Variants in KDM6B observed in about 807,000 individuals in gnomAD.
KDM6B encodes the protein lysine-specific demethylase 6B.
A neutral mutation model predicts 150.4 loss-of-function variants in KDM6B; 22 were observed. The observed-to-expected ratio is 0.15, with a 90% CI of 0.10 to 0.21. The LOEUF is 0.21. KDM6B is among the 10% of genes least tolerant of loss of function. KDM6B has a pLI of 1.00. For synonymous variants in KDM6B, 1,148 were observed against 921.1 expected (o/e 1.25, Z -4.46); for missense variants, 1,984 against 2,234.3 (o/e 0.89, Z 2.26).
In KDM6B at chr17:7,846,063, C is replaced by CCCCGGGGG; in HGVS notation, c.237-14_237-13insCCGGGGGC. The CCCCGGGGG allele has an allele frequency of 6.3e-7, 1 of 1,577,178 alleles. No individual in the cohort carries two copies. The highest frequency in any genetic ancestry group is 8.6e-7 in the Non-Finnish European group (1 of 1,158,728). On this transcript the variant is annotated splice_polypyrimidine_tract_variant and intron_variant, in intron 6 of 23. Coordinates refer to ENST00000448097, the MANE Select transcript of KDM6B (RefSeq NM_001348716.2). ...CCCAACCCCCACCCACACCCCCACC[C>CCCCGGGGG]CTTCTGCTCTGTAGGGCGCCCACTC...
rs2151375882 is a variant in KDM6B, at chr17:7,846,415, T to C, written c.472T>C (p.Phe158Leu). Residue 158 changes from phenylalanine to leucine, a missense_variant, in exon 8 of 24, where the codon TTT (phenylalanine) becomes CTT (leucine). By Grantham distance (22) the Phe-to-Leu change is conservative. This residue lies in a region of KDM6B where 337 missense variants were observed against 323.9 expected (regional missense o/e 1.04). Coordinates refer to ENST00000448097, the MANE Select transcript of KDM6B (RefSeq NM_001348716.2). ...CCACCCCCAGGCCCAGCTCTGGAAC[T>C]TTCATACTGGCTCCTGCCAGCACCG... is the stretch of plus-strand genomic sequence containing the variant. ...GRLQQAQLWN[F>L]HTGSCQHRAK... is the part of the protein sequence containing the mutation. 7.4e-7 allele frequency: 1 copy of C among 1,342,644 alleles called. No individual in the cohort carries two copies. The highest frequency in any genetic ancestry group is 4.4e-5 in the East Asian group (1 of 22,842). The allele number at this position is 1,342,644 out of a possible 1,614,324, so 83.2% of individuals were successfully genotyped here.
chr17:7,836,117 G>A (rs1319471609), intron 1 of KDM6B, among the ~76,000 whole-genome samples: 1 of 152,210 alleles, frequency 6.6e-6, no homozygotes, highest in African/African-American at 2.4e-5. Context: ...GGCTTCTCCC[G>A]CCCGGGCCCA....
At position 7,853,702 on chromosome 17, in the gene KDM6B, A is replaced by C; in HGVS notation, c.*181A>C. ...AAAACTTTTTTTTTTTTTTTAGCAA[A>C]TATGAGGAAAAAAGGAAAAAAAATG... is the stretch of plus-strand genomic sequence containing the variant. On this transcript the variant is annotated 3_prime_UTR_variant, in exon 24 of 24. Transcript: ENST00000448097. 1.0e-5 allele frequency: 4 copies of C among 385,328 alleles called. No individual in the cohort carries two copies. Among genetic ancestry groups the C allele is most frequent in the Non-Finnish European group, 1.7e-5 (4 of 228,636 alleles). 23.9% of individuals were successfully genotyped at this position (385,328 alleles called of 1,614,324 possible).
At position 7,843,392 on chromosome 17, in the gene KDM6B, C is replaced by A. The variant is rs1029734390; in HGVS notation, c.-268-1509C>A. ...TGAGGAGAGAGTTCTGACAGTAATACCACGTGAACCGCGGAGAGGGTCCGC... is the reference window on the plus strand; with the variant it reads ...TGAGGAGAGAGTTCTGACAGTAATAACACGTGAACCGCGGAGAGGGTCCGC... On this transcript the variant is annotated intron_variant, in intron 2 of 23. Coordinates refer to ENST00000448097, the MANE Select transcript of KDM6B (RefSeq NM_001348716.2). The surrounding 1 kb of genome is among the most constrained non-coding windows in gnomAD (Gnocchi z 4.5). 6.6e-6 allele frequency among the ~76,000 whole-genome samples: 1 copy of A among 152,174 alleles called. No individual in the cohort carries two copies. Among genetic ancestry groups the A allele is most frequent in the African/African-American group, 2.4e-5 (1 of 41,420 alleles).
At position 7,834,222 on chromosome 17, in the gene KDM6B, T is replaced by C. The variant is rs1341719498; in HGVS notation, c.-516T>C. Among the ~76,000 whole-genome samples, 1 of 150,594 alleles carries C rather than the reference T, an allele frequency of 6.6e-6. No individual in the cohort carries two copies. Among genetic ancestry groups the C allele is most frequent in the African/African-American group, 2.4e-5 (1 of 40,948 alleles). On this transcript the variant is annotated 5_prime_UTR_variant, in exon 1 of 24. Coordinates refer to ENST00000448097, the MANE Select transcript of KDM6B (RefSeq NM_001348716.2). ...TGGGGAGCGGGGGTGCGGGTGTTTG[T>C]GTTGGAAAATCCAACTGCGCCACTG... is the stretch of plus-strand genomic sequence containing the variant.
At position 7,835,928 on chromosome 17, in the gene KDM6B, C is replaced by CT. The variant is rs535336878; in HGVS notation, c.-388+1579dup. Among the ~76,000 whole-genome samples the CT allele has an allele frequency of 5.3e-3, 813 of 152,342 alleles. 4 individuals are homozygous for CT. The highest frequency in any genetic ancestry group is 0.018 in the African/African-American group (751 of 41,586). ...GCCGGTCGCGACCATAATGCCCAGCCTGGCTCGGGAGGGCCGACTACCTGT... is the reference window on the plus strand; with the variant it reads ...GCCGGTCGCGACCATAATGCCCAGCCTTGGCTCGGGAGGGCCGACTACCTGT... On this transcript the variant is annotated intron_variant, in intron 1 of 23. Coordinates refer to ENST00000448097, the MANE Select transcript of KDM6B (RefSeq NM_001348716.2).
intron 1 of KDM6B, among the ~76,000 whole-genome samples, chr17:7,835,029 G>A (rs1331187186): frequency 6.6e-6 from 1 of 152,134 alleles, no homozygotes; most frequent in African/African-American, 2.4e-5. Context: ...GCGAGGGCGA[G>A]ACGCACCCAG....
chr17:7,848,216 G>A lies in KDM6B; in HGVS notation c.1928G>A (p.Gly643Glu). The change falls in exon 12 of 24, where the codon GGG (glycine) becomes GAG (glutamate). Residue 643 changes from glycine (G) to glutamate (E), a missense_variant. This residue lies in a region of KDM6B where 1,379 missense variants were observed against 1,275.6 expected (regional missense o/e 1.08). Transcript: ENST00000448097. ...SFPKTPEVGP[G>E]PPPGPLSKAP... is the part of the protein sequence containing the mutation. ...CCAAAGACCCCCGAGGTGGGGCCGGGGCCACCCCCAGGCCCCCTGAGTAAA... is the reference window on the plus strand; with the variant it reads ...CCAAAGACCCCCGAGGTGGGGCCGGAGCCACCCCCAGGCCCCCTGAGTAAA... The A allele has an allele frequency of 5.6e-6, 9 of 1,610,730 alleles. No individual in the cohort carries two copies. Among genetic ancestry groups the A allele is most frequent in the Non-Finnish European group, 7.6e-6 (9 of 1,178,412 alleles).
In KDM6B at chr17:7,846,224, G is replaced by A. The variant is rs1386876265; in HGVS notation, c.383G>A (p.Arg128His). The stretch of plus-strand genomic sequence containing the variant: ...GAGCACGATAGTGAGGAGGCCACAC[G>A]CTGCTACCACAGCGCCCTTCGATAC... ...ESEHDSEEAT[R>H]CYHSALRYGG... The change falls in exon 7 of 24, where the codon CGC (arginine) becomes CAC (histidine). Residue 128 changes from arginine (R) to histidine (H), a missense_variant. By Grantham distance (29) the Arg-to-His change is conservative. Around this residue, in one of 13 missense-constraint regions of KDM6B, gnomAD observed 337 missense variants for 323.9 expected, o/e 1.04. Transcript: ENST00000448097. 3.7e-6 allele frequency: 6 copies of A among 1,613,984 alleles called. No individual in the cohort carries two copies. The highest frequency in any genetic ancestry group is 2.7e-5 in the African/African-American group (2 of 74,928).
chr17:7,847,204 C>T lies in KDM6B; in HGVS notation c.1009C>T (p.Pro337Ser). 1.9e-6 allele frequency: 3 copies of T among 1,600,456 alleles called. No homozygotes were observed. Among genetic ancestry groups the T allele is most frequent in the South Asian group, 1.1e-5 (1 of 90,970 alleles). ...HRLVPAAPPGPGPRPPGAESH... is the reference protein window; with the variant it reads ...HRLVPAAPPGSGPRPPGAESH... ...GCTGGTCCCGGCTGCTCCCCCAGGC[C>T]CAGGCCCCCGCCCCCCAGGAGCAGA... The change falls in exon 11 of 24, where the codon CCA becomes TCA. Residue 337 changes from proline (P) to serine (S), a missense_variant. Coordinates refer to ENST00000448097, the MANE Select transcript of KDM6B (RefSeq NM_001348716.2).
In KDM6B at chr17:7,849,604, C is replaced by T. The variant is rs2078649586; in HGVS notation, c.3316C>T (p.Arg1106Trp). 8 of 1,612,202 alleles carry T rather than the reference C, an allele frequency of 5.0e-6. No individual in the cohort carries two copies. Among genetic ancestry groups the T allele is most frequent in the South Asian group, 1.1e-5 (1 of 91,088 alleles). Residue 1106 changes from arginine to tryptophan, a missense_variant, in exon 12 of 24, where the codon CGG becomes TGG. Arg to Trp is a moderately radical substitution (Grantham distance 101, BLOSUM62 -3). Transcript: ENST00000448097. ...GGGGCCCCCCAAGGAGCTGAAGATC[C>T]GGCTCATCAAGGTAGAGAGTGGTGA... ...SEGPPKELKI[R>W]LIKVESGDKE... is the part of the protein sequence containing the mutation.
rs1567799018 is a variant in KDM6B, at chr17:7,849,441, C to CCCTCCATCAGCTCCTGCA, written c.3157_3174dup (p.Pro1053_Pro1058dup). On this transcript the variant is annotated inframe_insertion, in exon 12 of 24. Coordinates refer to ENST00000448097, the MANE Select transcript of KDM6B (RefSeq NM_001348716.2). Reference sequence around the variant, plus strand: ...AGGCCAAGCCACCCACAGCTCCAGCCCCTCCATCAGCTCCTGCACCTTCTG... The same window carrying CCCTCCATCAGCTCCTGCA: ...AGGCCAAGCCACCCACAGCTCCAGCCCCTCCATCAGCTCCTGCACCTCCATCAGCTCCTGCACCTTCTG... 3.7e-6 allele frequency: 6 copies of CCCTCCATCAGCTCCTGCA among 1,612,554 alleles called. No homozygotes were observed. In the South Asian group the frequency reaches 5.5e-5, roughly 15 times the overall value.
Position 7,844,993 on chromosome 17 carries a change from G to GATCTA in KDM6B, c.-176_-175insATCTA. ...CCAGATCTCTGGAGCTTGCCGACGC[G>GATCTA]GTGTGAGGACGCTCCCACGGAGGCC... On this transcript the variant is annotated 5_prime_UTR_variant, in exon 3 of 24. Coordinates refer to ENST00000448097, the MANE Select transcript of KDM6B (RefSeq NM_001348716.2). This position sits in a 1 kb window ranked among gnomAD's most constrained non-coding sequence, Gnocchi z 5.9. The GATCTA allele has an allele frequency of 5.7e-6, 1 of 175,702 alleles. No homozygotes were observed. Among genetic ancestry groups the GATCTA allele is most frequent in the Non-Finnish European group, 1.2e-5 (1 of 80,026 alleles). 10.9% of individuals were successfully genotyped at this position (175,702 alleles called of 1,614,324 possible).
At position 7,845,160 on chromosome 17, in the gene KDM6B, G is replaced by C. The variant is rs567952856; in HGVS notation, c.-149+140G>C. The C allele has an allele frequency of 9.5e-4, 335 of 352,676 alleles. 2 individuals carry two copies. Among genetic ancestry groups the C allele is most frequent in the South Asian group, 7.8e-3 (333 of 42,626 alleles). The allele number at this position is 352,676 out of a possible 1,614,324, so 21.8% of individuals were successfully genotyped here. On this transcript the variant is annotated intron_variant, in intron 3 of 23. Transcript: ENST00000448097. ...TCCCAGCCACACTCCTGGGCCTCTAGGGAGTGGTTGGGCCGGGCCTCCCTT... is the reference window on the plus strand; with the variant it reads ...TCCCAGCCACACTCCTGGGCCTCTACGGAGTGGTTGGGCCGGGCCTCCCTT...
chr17:7,854,293 C>T lies in KDM6B; in HGVS notation c.*772C>T, dbSNP rs550241844. 7.1e-4 allele frequency: 108 copies of T among 152,804 alleles called. No individual in the cohort carries two copies. The highest frequency in any genetic ancestry group is 1.8e-3 in the African/African-American group (73 of 41,538). The allele number at this position is 152,804 out of a possible 1,614,324, so 9.5% of individuals were successfully genotyped here. On this transcript the variant is annotated 3_prime_UTR_variant, in exon 24 of 24. Transcript: ENST00000448097. The stretch of plus-strand genomic sequence containing the variant: ...TGCTCAAACCCGCTCCCCTCCCCTA[C>T]GTCCTGCACTTTCTCGGACCAGTCC...
Position 7,848,142 on chromosome 17 carries a change from C to T in KDM6B, c.1854C>T (p.Thr618=). ...PAPPSSCHQN[T]SGSFRRPESP... is the part of the protein sequence containing the mutation. ...CTCCTTCCTCCTGCCACCAAAATAC[C>T]TCAGGAAGCTTCAGGCGCCCGGAGA... The change falls in exon 12 of 24, where the codon ACC becomes ACT. Residue 618 remains threonine (T), a synonymous_variant. Transcript: ENST00000448097. The T allele has an allele frequency of 6.2e-7, 1 of 1,612,980 alleles. No individual in the cohort carries two copies. Among genetic ancestry groups the T allele is most frequent in the South Asian group, 1.1e-5 (1 of 91,082 alleles).
intron 21 of KDM6B, 133 bp downstream of exon 21, chr17:7,852,769 G>C: frequency 7.2e-7 from 1 of 1,384,872 alleles, no homozygotes; most frequent in Non-Finnish European, 1.0e-6. Context: ...CTGTGTTGGG[G>C]AGGCTAACTA....
At chr17:7,839,135 A>G (rs964155174) in intron 1 of KDM6B, among the ~76,000 whole-genome samples, 6 of 152,134 alleles carry the variant, frequency 3.9e-5, no homozygotes, top group African/African-American at 1.4e-4. Flanking sequence ...GTGAGGGCCA[A>G]CTTAGCTCTG....
chr17:7,848,307 T>C lies in KDM6B; in HGVS notation c.2019T>C (p.Phe673=), dbSNP rs767439096. 6.2e-7 allele frequency: 1 copy of C among 1,611,922 alleles called. No individual in the cohort carries two copies. The highest frequency in any genetic ancestry group is 8.5e-7 in the Non-Finnish European group (1 of 1,179,754). The change falls in exon 12 of 24, where the codon TTT becomes TTC. Residue 673 remains phenylalanine, a synonymous_variant. Coordinates refer to ENST00000448097, the MANE Select transcript of KDM6B (RefSeq NM_001348716.2). ...CCCGAGGCCCTCGACTCTTTGATTT[T>C]CCCCCCACTCCGCTGGAGGACCAGT... ...LPARGPRLFD[F]PPTPLEDQFE...
Sources: gnomAD v4.1 joint callset for allele counts (sites outside exome capture counted in the v4.1 genomes callset) on GRCh38, gnomAD v4.1.1 for gene constraint, gnomAD v4.1.1 regional missense constraint, Gnocchi (gnomAD v3.1) non-coding constraint, MANE v1.5 for transcripts, NCBI Gene and HGNC (gene_info 2026-07-23, HGNC 2026-07-21) for gene names.